Variants in CNTRL observed in about 807,000 individuals in gnomAD.
CNTRL encodes 110 kDa centrosomal protein.
CNTRL carries 233 observed loss-of-function variants against 303.7 expected under a neutral mutation model. The ratio of observed to expected loss-of-function variants is 0.77; its 90% CI spans 0.69 to 0.86. The LOEUF is 0.86. CNTRL is among the 40% of genes least tolerant of loss of function. The pLI is 0.00. For missense variants in CNTRL, 2,524 were observed against 2,650.6 expected (o/e 0.95, Z 1.05); for synonymous variants, 900 against 922.2 (o/e 0.98, Z 0.44).
chr9:121,125,688 A>G (rs371610030), intron 13 of CNTRL, 28 bp from the exon 14 acceptor site: 3 of 1,587,674 alleles, frequency 1.9e-6, no homozygotes, highest in African/African-American at 2.7e-5. Flanking sequence ...AAAAAGATAT[A>G]TTATTACCCT....
At chr9:121,138,752 T>C in intron 16 of CNTRL, 73 bp downstream of exon 16, 1 of 1,496,896 alleles carries the variant, frequency 6.7e-7, no homozygotes, top group Non-Finnish European at 9.2e-7. Context: ...AGTCAGGCAC[T>C]TAGCAACCTG....
chr9:121,155,280 A>G (rs1370914768), intron 27 of CNTRL, among the ~76,000 whole-genome samples: 2 of 152,160 alleles, frequency 1.3e-5, no homozygotes, highest in Admixed American at 6.5e-5. Context: ...GTTTTTTTAA[A>G]TAGGTCAATC....
At chr9:121,167,874 C>T (rs1490743209) in intron 37 of CNTRL, among the ~76,000 whole-genome samples, 197 bp downstream of exon 37, 1 of 152,128 alleles carries the variant, frequency 6.6e-6, no homozygotes, top group Non-Finnish European at 1.5e-5. Context: ...GAACATCAGT[C>T]CTGTAAAGAT....
intron 13 of CNTRL, among the ~76,000 whole-genome samples, chr9:121,124,774 C>CAAA (rs5900470): frequency 1.8e-4 from 18 of 102,106 alleles, no homozygotes; most frequent in Non-Finnish European, 2.2e-4. Flanking sequence ...CCCGTCTCTA[C>CAAA]AAAAAAAAAA....
intron 6 of CNTRL, among the ~76,000 whole-genome samples, chr9:121,097,625 C>T (rs1343070850): frequency 6.6e-6 from 1 of 152,184 alleles, no homozygotes; most frequent in East Asian, 1.9e-4. Context: ...TGTTGTACAG[C>T]ATCACCTTGG....
At chr9:121,149,746 C>G (rs1051102809) in intron 24 of CNTRL, among the ~76,000 whole-genome samples, 14 of 152,110 alleles carry the variant, frequency 9.2e-5, no homozygotes, top group Admixed American at 2.6e-4. Flanking sequence ...GCTAGGTTCT[C>G]TGTTGTCAGT....
At chr9:121,129,800 A>G (rs1451281710) in intron 14 of CNTRL, among the ~76,000 whole-genome samples, 2 of 152,156 alleles carry the variant, frequency 1.3e-5, no homozygotes, top group African/African-American at 4.8e-5. Context: ...TTATTTTGAG[A>G]TACGTGCCAT....
At chr9:121,131,328 A>G (rs772551156) in intron 14 of CNTRL, among the ~76,000 whole-genome samples, 2 of 152,230 alleles carry the variant, frequency 1.3e-5, no homozygotes, top group Non-Finnish European at 2.9e-5. Context: ...TATTGGGTGC[A>G]TATATGTTTA....
chr9:121,176,787 CT>C (rs2053544100), intron 43 of CNTRL, among the ~76,000 whole-genome samples: 1 of 152,040 alleles, frequency 6.6e-6, no homozygotes, highest in African/African-American at 2.4e-5. Flanking sequence ...TTTTATTTCC[CT>C]TTTTTTCTGG....
intron 16 of CNTRL, 25 bp downstream of exon 16, chr9:121,138,704 C>T: frequency 1.2e-6 from 2 of 1,607,008 alleles, no homozygotes; most frequent in Non-Finnish European, 1.7e-6. Context: ...TTTTAGAATA[C>T]ATTCTTACAC....
rs2051512365 is a variant in CNTRL, at chr9:121,141,543, A to G, written c.2646A>G (p.Gly882=). The G allele has an allele frequency of 6.2e-7, 1 of 1,614,136 alleles. No homozygotes were observed. Among genetic ancestry groups the G allele is most frequent in the Non-Finnish European group, 8.5e-7 (1 of 1,179,988 alleles). Residue 882 remains glycine, a synonymous_variant, in exon 18 of 44, where the codon GGA becomes GGG. Transcript: ENST00000373855. ...MALQQEKLAT[G]QEEFRQACER... is the part of the protein sequence containing the mutation. ...TGCAGCAAGAGAAACTGGCAACTGG[A>G]CAAGAAGAGTTCAGGCAGGCCTGTG...
At chr9:121,149,229 A>G (rs2052060218) in intron 24 of CNTRL, among the ~76,000 whole-genome samples, 1 of 152,170 alleles carries the variant, frequency 6.6e-6, no homozygotes, top group South Asian at 2.1e-4. Flanking sequence ...CCTAAAATGA[A>G]GTGTTACGGG....
At chr9:121,103,695 A>G (rs1351502004) in intron 7 of CNTRL, among the ~76,000 whole-genome samples, 1 of 152,268 alleles carries the variant, frequency 6.6e-6, no homozygotes, top group Non-Finnish European at 1.5e-5. Flanking sequence ...ACTTAAATTT[A>G]CAAGAAAAAA....
intron 23 of CNTRL, among the ~76,000 whole-genome samples, chr9:121,147,506 A>G (rs187904654): frequency 5.6e-4 from 86 of 152,322 alleles, no homozygotes; most frequent in African/African-American, 1.9e-3. Flanking sequence ...TCAGGTAAAG[A>G]GTAGAAGCCA....
chr9:121,164,855 C>A, intron 34 of CNTRL, 88 bp from the exon 35 acceptor site: 1 of 961,242 alleles, frequency 1.0e-6, no homozygotes, highest in Non-Finnish European at 1.5e-6. Flanking sequence ...CTTTCCATAA[C>A]TGTATGTTGT....
chr9:121,158,852 C>G lies in CNTRL; in HGVS notation c.4765-3C>G. The G allele has an allele frequency of 2.5e-6, 4 of 1,613,580 alleles. No homozygotes were observed. Among genetic ancestry groups the G allele is most frequent in the Non-Finnish European group, 3.4e-6 (4 of 1,179,702 alleles). ...ACTTACTCTTCCCTTTTCTTTAATA[C>G]AGGTGACAAGTCAGCAGCAGGAGAT... On this transcript the variant is annotated splice_region_variant and splice_polypyrimidine_tract_variant and intron_variant, in intron 30 of 43. Coordinates refer to ENST00000373855, the MANE Select transcript of CNTRL (RefSeq NM_007018.6).
chr9:121,136,490 A>G (rs1398567158), intron 15 of CNTRL, among the ~76,000 whole-genome samples: 7 of 152,006 alleles, frequency 4.6e-5, no homozygotes, highest in Admixed American at 4.6e-4. Flanking sequence ...TTTGTATGTT[A>G]GTAGAGATGG....
At chr9:121,088,206 T>C (rs2048422295) in intron 2 of CNTRL, 90 bp from the exon 3 acceptor site, 1 of 665,194 alleles carries the variant, frequency 1.5e-6, no homozygotes, top group Non-Finnish European at 2.6e-6. Context: ...CCTCTGAGTT[T>C]ATAACTTTAT....
chr9:121,147,930 A>G (rs2051978084), intron 23 of CNTRL, among the ~76,000 whole-genome samples: 1 of 152,140 alleles, frequency 6.6e-6, no homozygotes, highest in Non-Finnish European at 1.5e-5. Flanking sequence ...ACAGACTGAG[A>G]AGGAGAAGGA....
Sources: gnomAD v4.1 joint callset for allele counts (sites outside exome capture counted in the v4.1 genomes callset) on GRCh38, gnomAD v4.1.1 for gene constraint, MANE v1.5 for transcripts, NCBI Gene and HGNC (gene_info 2026-07-23, HGNC 2026-07-21) for gene names.